The following PEX2 variants were observed in gnomAD, a reference collection of about 807,000 sequenced individuals.
PEX2 encodes peroxisomal biogenesis factor 2.
PEX2 carries 19 observed loss-of-function variants against 25.2 expected under a neutral mutation model. The observed-to-expected ratio is 0.75, with a 90% CI of 0.53 to 1.10. The LOEUF (loss-of-function observed/expected upper bound fraction) is 1.10, where lower values mean the gene tolerates loss of function less well. PEX2 is among the 50% of genes least tolerant of loss of function. PEX2 has a pLI of 0.00. For synonymous variants in PEX2, 141 were observed against 127.7 expected, an observed-to-expected ratio of 1.10 and a Z score of -0.70; for missense variants, 347 against 350.6, an observed-to-expected ratio of 0.99 and a Z score of 0.08.
At chr8:76,995,210 G>A (rs1807288137) in intron 1 of PEX2, among the ~76,000 whole-genome samples, 1 of 152,148 alleles carries the variant, frequency 6.6e-6, no homozygotes, top group African/African-American at 2.4e-5. Flanking sequence ...AGTTTTAATA[G>A]TTTATAGACA....
At chr8:76,989,741 T>A (rs1249106791) in intron 1 of PEX2, among the ~76,000 whole-genome samples, 2 of 152,246 alleles carry the variant, frequency 1.3e-5, no homozygotes, top group African/African-American at 2.4e-5. Flanking sequence ...CAGTAAACCA[T>A]GCTGTAAACA....
intron 3 of PEX2, among the ~76,000 whole-genome samples, chr8:76,984,795 T>C (rs1806957808): frequency 6.6e-6 from 1 of 152,188 alleles, no homozygotes; most frequent in Non-Finnish European, 1.5e-5. Context: ...TGGTTACTAT[T>C]CTATCACGCT....
chr8:76,982,488 A>C lies in PEX2; in HGVS notation c.*773T>G, dbSNP rs927177664. 1 of 152,202 alleles carries C rather than the reference A, an allele frequency of 6.6e-6. No individual in the cohort carries two copies. Among genetic ancestry groups the C allele is most frequent in the Non-Finnish European group, 1.5e-5 (1 of 68,046 alleles). The allele number at this position is 152,202 out of a possible 1,614,324, so 9.4% of individuals were successfully genotyped here. ...CAGACAGCTGAGGACTGAACTTCTTAAAAATTGGCTTCAGAGAAAAGCATA... is the reference window on the plus strand; with the variant it reads ...CAGACAGCTGAGGACTGAACTTCTTCAAAATTGGCTTCAGAGAAAAGCATA... On this transcript the variant is annotated 3_prime_UTR_variant, in exon 4 of 4. Transcript: ENST00000357039.
rs1807452665 is a variant in PEX2, at chr8:76,999,976, G to C, written c.-160+14C>G. ...CTCGGGTTTGCACTCCGGCTCTCTAGGGCAGACACTGACCTTAGGAGTCTG... is the reference window on the plus strand; with the variant it reads ...CTCGGGTTTGCACTCCGGCTCTCTACGGCAGACACTGACCTTAGGAGTCTG... On this transcript the variant is annotated intron_variant, in intron 1 of 3. Transcript: ENST00000357039. 4.4e-6 allele frequency: 2 copies of C among 456,454 alleles called. No individual in the cohort carries two copies. The highest frequency in any genetic ancestry group is 2.3e-5 in the Admixed American group (1 of 42,556). The allele number at this position is 456,454 out of a possible 1,614,324, so 28.3% of individuals were successfully genotyped here.
chr8:76,999,950 C>A (rs1051714687), intron 1 of PEX2, 40 bp downstream of exon 1: 5 of 456,532 alleles, frequency 1.1e-5, no homozygotes, highest in Non-Finnish European at 2.2e-5. Flanking sequence ...GAAAACAAGA[C>A]CTCGGGTTTG....
intron 1 of PEX2, among the ~76,000 whole-genome samples, chr8:76,990,017 A>G (rs577505365): frequency 1.3e-5 from 2 of 152,276 alleles, no homozygotes; most frequent in East Asian, 3.9e-4. Context: ...TTGAAAATAT[A>G]TTGTCTAGCG....
Position 76,980,580 on chromosome 8 carries a change from G to C in PEX2, c.*2681C>G, listed in dbSNP as rs1563603743. ...TTCCATCCCCTAGCTATAGTGGCTG[G>C]TTCAGGAATGTGCACATAATCCAAG... On this transcript the variant is annotated 3_prime_UTR_variant, in exon 4 of 4. Transcript: ENST00000357039. 1 of 152,212 alleles carries C rather than the reference G, an allele frequency of 6.6e-6. No individual in the cohort carries two copies. Among genetic ancestry groups the C allele is most frequent in the East Asian group, 1.9e-4 (1 of 5,190 alleles). The allele number at this position is 152,212 out of a possible 1,614,324, so 9.4% of individuals were successfully genotyped here. A position where few individuals can be genotyped will look rare whatever the true frequency, so the allele number is the denominator to read the frequency against.
At chr8:76,990,460 T>C (rs548158917) in intron 1 of PEX2, among the ~76,000 whole-genome samples, 3 of 152,328 alleles carry the variant, frequency 2.0e-5, no homozygotes, top group South Asian at 4.1e-4. Context: ...GCTTCTGACA[T>C]GGCTTCCTCA....
chr8:76,994,898 C>CT (rs1317267540), intron 1 of PEX2, among the ~76,000 whole-genome samples: 12 of 152,116 alleles, frequency 7.9e-5, no homozygotes, highest in African/African-American at 2.9e-4. Context: ...AGTTTTGAAC[C>CT]TATAACCTAC....
chr8:76,980,326 A>G lies in PEX2; in HGVS notation c.*2935T>C, dbSNP rs1203264796. On this transcript the variant is annotated 3_prime_UTR_variant, in exon 4 of 4. Transcript: ENST00000357039. ...TGCAATGTTAAAGAATCATCCAGTT[A>G]CTTATGAATGTCCTTATCAAGCTAG... 6.6e-6 allele frequency: 1 copy of G among 152,212 alleles called. No homozygotes were observed. The highest frequency in any genetic ancestry group is 1.5e-5 in the Non-Finnish European group (1 of 68,028). The allele number at this position is 152,212 out of a possible 1,614,324, so 9.4% of individuals were successfully genotyped here. A position where few individuals can be genotyped will look rare whatever the true frequency, so the allele number is the denominator to read the frequency against.
At chr8:76,991,619 C>G (rs1453790600) in intron 1 of PEX2, among the ~76,000 whole-genome samples, 2 of 152,264 alleles carry the variant, frequency 1.3e-5, no homozygotes, top group Admixed American at 1.3e-4. Context: ...CACCATAGTT[C>G]ATTAAAGTGG....
intron 1 of PEX2, among the ~76,000 whole-genome samples, chr8:76,996,423 TTAAACA>T (rs1807335311): frequency 6.6e-6 from 1 of 152,018 alleles, no homozygotes; most frequent in Admixed American, 6.5e-5. Context: ...GACCCAAAAG[TTAAACA>T]TAAACACTTT....
upstream of PEX2, chr8:77,000,409 G>A (rs1026167021): frequency 6.5e-6 from 1 of 153,164 alleles, no homozygotes; most frequent in Non-Finnish European, 1.5e-5. Flanking sequence ...GGGCTTGGGA[G>A]GGCAGGGCTT....
At position 76,983,583 on chromosome 8, in the gene PEX2, C is replaced by G. The variant is rs371151521; in HGVS notation, c.596G>C (p.Gly199Ala). Reference protein sequence around the residue: ...EYMNRELLWHGFAEFLIFLLP... With the variant: ...EYMNRELLWHAFAEFLIFLLP... ...GAGAAAAATCAGAAATTCAGCAAAA[C>G]CATGCCAGAGAAGTTCCCTATTCAT... Residue 199 changes from glycine to alanine, a missense_variant, in exon 4 of 4, where the codon GGT becomes GCT. Physicochemically the swap from Gly to Ala is moderately conservative, Grantham distance 60. Coordinates refer to ENST00000357039, the MANE Select transcript of PEX2 (RefSeq NM_000318.3). 13 of 1,613,994 alleles carry G rather than the reference C, an allele frequency of 8.1e-6. No homozygotes were observed. The African/African-American group carries it at 1.6e-4, about 20-fold the overall frequency.
chr8:76,992,429 C>T (rs970719833), intron 1 of PEX2, among the ~76,000 whole-genome samples: 4 of 152,160 alleles, frequency 2.6e-5, no homozygotes, highest in Admixed American at 6.5e-5. Context: ...ATCACACATA[C>T]TCCCACCCCA....
Position 76,983,047 on chromosome 8 carries a change from A to G in PEX2, c.*214T>C. 7.7e-7 allele frequency: 1 copy of G among 1,307,150 alleles called. No homozygotes were observed. The highest frequency in any genetic ancestry group is 1.0e-6 in the Non-Finnish European group (1 of 996,428). The allele number at this position is 1,307,150 out of a possible 1,614,324, so 81.0% of individuals were successfully genotyped here. On this transcript the variant is annotated 3_prime_UTR_variant, in exon 4 of 4. Transcript: ENST00000357039. Reference sequence around the variant, plus strand: ...ATTCTTGACATTAAAAATTGAATGCAATGATTTAAAAAACATAATACATTA... The same window carrying G: ...ATTCTTGACATTAAAAATTGAATGCGATGATTTAAAAAACATAATACATTA...
Position 76,981,114 on chromosome 8 carries a change from C to A in PEX2, c.*2147G>T, listed in dbSNP as rs1181555015. On this transcript the variant is annotated 3_prime_UTR_variant, in exon 4 of 4. Coordinates refer to ENST00000357039, the MANE Select transcript of PEX2 (RefSeq NM_000318.3). Reference sequence around the variant, plus strand: ...ACAGAAAGTGAAAAGAACCTAAATGCTCTATGATGGTGGTTAAATAATAAT... The same window carrying A: ...ACAGAAAGTGAAAAGAACCTAAATGATCTATGATGGTGGTTAAATAATAAT... 1 of 152,172 alleles carries A rather than the reference C, an allele frequency of 6.6e-6. No individual in the cohort carries two copies. 9.4% of individuals were successfully genotyped at this position (152,172 alleles called of 1,614,324 possible).
rs1133474 is a variant in PEX2 at position 76,981,862 on chromosome 8, A to G, written c.*1399T>C. ...ATGTAAAATACTCTTAACTCAAACT[A>G]CAAAACTTCTTCAGTATCTTACACT... On this transcript the variant is annotated 3_prime_UTR_variant, in exon 4 of 4. Transcript: ENST00000357039. 1 of 152,256 alleles carries G rather than the reference A, an allele frequency of 6.6e-6. No homozygotes were observed. The highest frequency in any genetic ancestry group is 1.5e-5 in the Non-Finnish European group (1 of 68,046). The allele number at this position is 152,256 out of a possible 1,614,324, so 9.4% of individuals were successfully genotyped here.
intron 1 of PEX2, among the ~76,000 whole-genome samples, chr8:76,995,585 T>C (rs531431523): frequency 1.3e-5 from 2 of 152,130 alleles, no homozygotes; most frequent in Non-Finnish European, 1.5e-5. Flanking sequence ...GCCTTACTTA[T>C]CTCATACACA....
Sources: allele counts gnomAD v4.1 joint callset (sites outside exome capture counted in the v4.1 genomes callset), GRCh38; gene constraint gnomAD v4.1.1; transcripts MANE v1.5; gene names NCBI Gene and HGNC (gene_info 2026-07-23, HGNC 2026-07-21).